JAK1: variants seen among roughly 807,000 people sequenced by gnomAD.
JAK1 encodes tyrosine-protein kinase JAK1.
JAK1 carries 16 observed loss-of-function variants against 136.6 expected under a neutral mutation model. The ratio of observed to expected loss-of-function variants is 0.12; its 90% CI spans 0.08 to 0.18. The LOEUF (loss-of-function observed/expected upper bound fraction) is 0.18, where lower values mean the gene tolerates loss of function less well. Ranked by LOEUF, JAK1 falls within the 10% of genes least tolerant of loss-of-function variation. The pLI, the probability that JAK1 is intolerant of heterozygous loss-of-function variation, is 1.00. For synonymous variants in JAK1, 492 were observed against 519.5 expected (o/e 0.95, Z 0.72); for missense variants, 859 against 1,450.1 (o/e 0.59, Z 6.62).
At chr1:65,030,256 G>A (rs897538573) in intron 2 of JAK1, among the ~76,000 whole-genome samples, 15 of 152,186 alleles carry the variant, frequency 9.9e-5, no homozygotes, top group Non-Finnish European at 7.3e-5. Flanking sequence ...GGATTTCCCA[G>A]CCTCCAGAAC....
At chr1:64,913,655 AGAAGGAAGGAAGGAAGGAAGGAAGGAAG>A (rs1285435585) in intron 1 of JAK1, among the ~76,000 whole-genome samples, 6 of 34,484 alleles carry the variant, frequency 1.7e-4, no homozygotes, top group Non-Finnish European at 2.9e-4. Context: ...AAGGAAGGAA[AGAAGGAAGGAAGGAAGGAAGGAAGGAAG>A]GAAGGAAGGA....
At chr1:64,940,439 C>T (rs1645869248) in intron 1 of JAK1, among the ~76,000 whole-genome samples, 1 of 151,716 alleles carries the variant, frequency 6.6e-6, no homozygotes, top group Admixed American at 6.6e-5. Flanking sequence ...GCCTCAGCCT[C>T]CCGATTAGCT....
At chr1:65,041,699 T>C (rs1647135045) in intron 2 of JAK1, among the ~76,000 whole-genome samples, 2 of 152,126 alleles carry the variant, frequency 1.3e-5, no homozygotes, top group Non-Finnish European at 2.9e-5. Context: ...ATACTATATA[T>C]ACATACAGTT....
intron 1 of JAK1, among the ~76,000 whole-genome samples, chr1:65,048,792 CTGAT>C (rs1273871262): frequency 6.6e-6 from 1 of 152,092 alleles, no homozygotes; most frequent in Non-Finnish European, 1.5e-5. Context: ...TCTTACCACT[CTGAT>C]TGAGAGTCTT....
intron 2 of JAK1, chr1:64,990,930 A>AG (rs1646650475): frequency 6.9e-6 from 1 of 145,110 alleles, no homozygotes; most frequent in African/African-American, 2.6e-5. Flanking sequence ...AAAAAAAAAA[A>AG]AAAAAAAAAG....
intron 2 of JAK1, among the ~76,000 whole-genome samples, chr1:64,883,925 A>G (rs310201): frequency 0.37 from 56,495 of 151,916 alleles, 13,227 homozygotes; most frequent in African/African-American, 0.65. Flanking sequence ...AAGAATCAGC[A>G]TTTTAATTTC....
intron 1 of JAK1, among the ~76,000 whole-genome samples, chr1:64,937,881 A>C (rs1208562843): frequency 6.6e-6 from 1 of 151,850 alleles, no homozygotes; most frequent in Non-Finnish European, 1.5e-5. Context: ...AGAATGTCAA[A>C]ATCTTCTTTT....
intron 5 of JAK1, among the ~76,000 whole-genome samples, chr1:64,869,759 C>CA (rs1353154315): frequency 6.6e-6 from 1 of 152,208 alleles, no homozygotes; most frequent in Non-Finnish European, 1.5e-5. Context: ...GTGACGCTGA[C>CA]AAACACTGTG....
chr1:64,958,295 C>T (rs1337841692), intron 1 of JAK1, among the ~76,000 whole-genome samples: 1 of 152,082 alleles, frequency 6.6e-6, no homozygotes, highest in Non-Finnish European at 1.5e-5. Context: ...TCCAACCAAC[C>T]CAAGTGAATG....
chr1:64,868,809 G>C (rs560230956), intron 6 of JAK1, among the ~76,000 whole-genome samples: 3 of 152,128 alleles, frequency 2.0e-5, no homozygotes, highest in African/African-American at 7.2e-5. Flanking sequence ...GATCTCAAAC[G>C]ATATTTTTAA....
upstream of JAK1, among the ~76,000 whole-genome samples, chr1:64,967,529 G>A (rs543887720): frequency 6.6e-6 from 1 of 152,292 alleles, no homozygotes; most frequent in South Asian, 2.1e-4. Flanking sequence ...GGCCGTGCAC[G>A]GTCAGAATTC....
At chr1:64,878,581 A>G (rs1401954378) in intron 4 of JAK1, among the ~76,000 whole-genome samples, 76 of 60,958 alleles carry the variant, frequency 1.2e-3, no homozygotes, top group Non-Finnish European at 1.6e-3. Flanking sequence ...ATATATATAT[A>G]TATATATATA....
intron 1 of JAK1, among the ~76,000 whole-genome samples, chr1:64,944,296 C>G (rs1165271860): frequency 6.7e-6 from 1 of 149,532 alleles, no homozygotes; most frequent in Non-Finnish European, 1.5e-5. Flanking sequence ...AGATTTATCA[C>G]TTTTTACTAA....
intron 1 of JAK1, among the ~76,000 whole-genome samples, chr1:64,956,525 A>AT (rs1646191073): frequency 2.0e-5 from 3 of 152,004 alleles, no homozygotes; most frequent in Non-Finnish European, 2.9e-5. Context: ...CCTTCTCCCA[A>AT]CCCCCCAACC....
Position 65,063,410 on chromosome 1 carries a change from T to C in JAK1, c.-181+4194A>G, listed in dbSNP as rs528701928. Among the ~76,000 whole-genome samples, 16 of 152,332 alleles carry C rather than the reference T, an allele frequency of 1.1e-4. 1 individual carries two copies. In the South Asian group the frequency reaches 2.9e-3, roughly 28 times the overall value. On this transcript the variant is annotated intron_variant, in intron 1 of 25. Coordinates refer to the JAK1 transcript ENST00000671954. The stretch of plus-strand genomic sequence containing the variant: ...AATCTCCCTAATATAACAGTAATAA[T>C]GTAATACTTGGGGTCCCCAATCATC...
At chr1:64,849,343 C>T (rs1409697348) in intron 12 of JAK1, among the ~76,000 whole-genome samples, 2 of 152,222 alleles carry the variant, frequency 1.3e-5, no homozygotes, top group African/African-American at 4.8e-5. Flanking sequence ...CTGCTTACCA[C>T]TACACGCAGC....
intron 1 of JAK1, 127 bp from the exon 2 acceptor site, chr1:64,886,468 G>GA (rs1009264855): frequency 3.9e-6 from 2 of 516,196 alleles, no homozygotes; most frequent in Non-Finnish European, 6.5e-6. Flanking sequence ...GAGGAAGAAG[G>GA]AAAAAAACAA....
intron 1 of JAK1, among the ~76,000 whole-genome samples, chr1:65,058,816 T>C (rs578118924): frequency 6.6e-6 from 1 of 152,342 alleles, no homozygotes; most frequent in East Asian, 1.9e-4. Flanking sequence ...TTTCACAGCT[T>C]ATCTCTTCCA....
At chr1:64,928,184 T>C (rs1320844368) in intron 1 of JAK1, among the ~76,000 whole-genome samples, 2 of 152,178 alleles carry the variant, frequency 1.3e-5, no homozygotes, top group African/African-American at 4.8e-5. Flanking sequence ...ATGAGGTGCT[T>C]ATGATAATAC....
Sources: gnomAD v4.1 joint callset for allele counts (sites outside exome capture counted in the v4.1 genomes callset) on GRCh38, gnomAD v4.1.1 for gene constraint, MANE v1.5 for transcripts, NCBI Gene and HGNC (gene_info 2026-07-23, HGNC 2026-07-21) for gene names.